ERMARD: variants seen among roughly 807,000 people sequenced by gnomAD.
ERMARD encodes ER membrane associated RNA degradation.
ERMARD carries 71 observed loss-of-function variants against 83.9 expected under a neutral mutation model. The observed-to-expected ratio is 0.85, with a 90% CI of 0.70 to 1.03. ERMARD has a LOEUF of 1.03. Among genes scored for constraint, ERMARD ranks in the 50% least tolerant of loss-of-function variants. The probability of loss-of-function intolerance (pLI) is 0.00; values close to 1 mark genes in which losing one functional copy is unlikely to be tolerated. For missense variants in ERMARD, 838 were observed against 810.9 expected (o/e 1.03, Z -0.41); for synonymous variants, 284 against 298.6 (o/e 0.95, Z 0.50).
chr6:169,775,334 G>A lies in ERMARD; in HGVS notation c.1382G>A (p.Arg461Gln), dbSNP rs758762077. 33 of 1,614,070 alleles carry A rather than the reference G, an allele frequency of 2.0e-5. No individual in the cohort carries two copies. Among genetic ancestry groups the A allele is most frequent in the Non-Finnish European group, 2.3e-5 (27 of 1,179,952 alleles). Reference sequence around the variant, plus strand: ...CTGCCTTTCCCCGAAGAACTCACTCGGCAAGCCGTCAGGTGCGTGGCATCC... The same window carrying A: ...CTGCCTTTCCCCGAAGAACTCACTCAGCAAGCCGTCAGGTGCGTGGCATCC... ...ALLPFPEELT[R>Q]QAVRLEDNSE... The change falls in exon 14 of 18, where the codon CGG (arginine) becomes CAG (glutamine). Residue 461 changes from arginine to glutamine, a missense_variant. Transcript: ENST00000366773.
At chr6:169,751,411 CG>C (rs763221142), upstream of ERMARD, 1 of 1,613,978 alleles carries the variant, frequency 6.2e-7, no homozygotes, top group Non-Finnish European at 8.5e-7. Context: ...GGGTCTGGTT[CG>C]GGGTCTGGAT....
chr6:169,776,375 C>T (rs750283679), intron 15 of ERMARD, 80 bp from the exon 16 acceptor site: 27 of 1,561,866 alleles, frequency 1.7e-5, no homozygotes, highest in African/African-American at 1.1e-4. Context: ...CCCAGAAAGC[C>T]GCAGCCTTGC....
Position 169,761,582 on chromosome 6 carries a change from G to C in ERMARD, c.857+826G>C, listed in dbSNP as rs369275255. On this transcript the variant is annotated intron_variant, in intron 8 of 17. Transcript: ENST00000366773. ...TCCTTTGATGACATTTTATTCTGTAGAAGCTACTAAAAATGGTTCATCAAA... is the reference window on the plus strand; with the variant it reads ...TCCTTTGATGACATTTTATTCTGTACAAGCTACTAAAAATGGTTCATCAAA... Among the ~76,000 whole-genome samples, 4 of 152,180 alleles carry C rather than the reference G, an allele frequency of 2.6e-5. No individual in the cohort carries two copies. The East Asian group carries it at 5.8e-4, about 22-fold the overall frequency.
At chr6:169,780,905 G>A (rs992666390) in intron 17 of ERMARD, among the ~76,000 whole-genome samples, 17 of 152,164 alleles carry the variant, frequency 1.1e-4, no homozygotes, top group African/African-American at 4.1e-4. Flanking sequence ...CACATGTTCA[G>A]GGGGCCAATT....
chr6:169,776,814 C>A, intron 16 of ERMARD, 141 bp downstream of exon 16: 1 of 1,008,366 alleles, frequency 9.9e-7, no homozygotes, highest in Non-Finnish European at 1.5e-6. Context: ...TTGGAGTCCA[C>A]AACTGAGTGT....
chr6:169,777,155 G>C (rs1793701561), intron 16 of ERMARD, among the ~76,000 whole-genome samples: 1 of 152,232 alleles, frequency 6.6e-6, no homozygotes, highest in South Asian at 2.1e-4. Context: ...TAGAGGAATA[G>C]TCACTTAGAC....
At chr6:169,760,616 G>A in intron 7 of ERMARD, 26 bp from the exon 8 acceptor site, 3 of 1,489,112 alleles carry the variant, frequency 2.0e-6, no homozygotes, top group Non-Finnish European at 2.8e-6. Context: ...GTATGATTGT[G>A]TTTAAAACCG....
chr6:169,762,399 G>A (rs775552345), intron 8 of ERMARD, 30 bp from the exon 9 acceptor site: 2 of 1,588,756 alleles, frequency 1.3e-6, no homozygotes, highest in Admixed American at 1.7e-5. Context: ...GAAATGTGGA[G>A]TTTTACCTCT....
chr6:169,756,605 G>A, intron 4 of ERMARD, 114 bp from the exon 5 acceptor site: 6 of 979,710 alleles, frequency 6.1e-6, no homozygotes, highest in East Asian at 2.5e-5. Flanking sequence ...TCAAAGGATT[G>A]GTGTCTAAGT....
chr6:169,757,407 C>T (rs930819012), intron 5 of ERMARD, among the ~76,000 whole-genome samples: 3 of 152,064 alleles, frequency 2.0e-5, no homozygotes, highest in Non-Finnish European at 4.4e-5. Flanking sequence ...CATGTTGCCT[C>T]GATCAATTAC....
At position 169,781,438 on chromosome 6, in the gene ERMARD, A is replaced by G. The variant is rs1420050437; in HGVS notation, c.1962A>G (p.Lys654=). The G allele has an allele frequency of 1.2e-5, 20 of 1,612,648 alleles. No individual in the cohort carries two copies. Among genetic ancestry groups the G allele is most frequent in the Non-Finnish European group, 1.6e-5 (19 of 1,179,560 alleles). The change falls in exon 18 of 18, where the codon AAA becomes AAG. Residue 654 remains lysine (K), a synonymous_variant. Coordinates refer to ENST00000366773, the MANE Select transcript of ERMARD (RefSeq NM_018341.3). ...TINLTHTALL[K]MWTFSEKKQM... is the part of the protein sequence containing the mutation. ...ATCTTACACATACAGCTTTGTTGAA[A>G]ATGTGGACTTTTAGTGAGAAGAAAC...
At position 169,776,459 on chromosome 6, in the gene ERMARD, C is replaced by T. The variant is rs147084771; in HGVS notation, c.1525C>T (p.Pro509Ser). Reference protein sequence around the residue: ...DLDRLPTETWPQLLRELCSTP... With the variant: ...DLDRLPTETWSQLLRELCSTP... ...CAAGTCTGGCTCTGTTTGCAGGTGG[C>T]CCCAGCTTCTCCGTGAGCTCTGCAG... The change falls in exon 16 of 18, where the codon CCC becomes TCC. Residue 509 changes from proline (P) to serine (S), a missense_variant. By Grantham distance (74) the Pro-to-Ser change is moderately conservative. Coordinates refer to ENST00000366773, the MANE Select transcript of ERMARD (RefSeq NM_018341.3). 2 of 1,613,028 alleles carry T rather than the reference C, an allele frequency of 1.2e-6. No individual in the cohort carries two copies. Among genetic ancestry groups the T allele is most frequent in the African/African-American group, 2.7e-5 (2 of 74,918 alleles).
chr6:169,762,961 G>T (rs1791740101), intron 9 of ERMARD, among the ~76,000 whole-genome samples: 1 of 152,176 alleles, frequency 6.6e-6, no homozygotes, highest in African/African-American at 2.4e-5. Context: ...GACTTGGTGT[G>T]GTGCCAGCCC....
intron 12 of ERMARD, chr6:169,771,077 C>CTTTTTTTTTTTTTTTTTTTTTTTTTTT (rs60995171): frequency 7.1e-6 from 1 of 141,262 alleles, no homozygotes; most frequent in Non-Finnish European, 1.5e-5. Context: ...TCTTTTCTTT[C>CTTTTTTTTTTTTTTTTTTTTTTTTTTT]TTTTTTTTTT....
Position 169,781,334 on chromosome 6 carries a change from G to A in ERMARD, c.1858G>A (p.Val620Ile). ...AHEYQQYLKF[V>I]KSILQYTENL... is the part of the protein sequence containing the mutation. ...AAATTAATTTTTTTTTTACAGGTTT[G>A]TAAAGTCGATCTTGCAGTACACGGA... is the stretch of plus-strand genomic sequence containing the variant. Residue 620 changes from valine to isoleucine, a missense_variant, in exon 18 of 18, where the codon GTA (valine) becomes ATA (isoleucine). Physicochemically the swap from Val to Ile is conservative, Grantham distance 29. Coordinates refer to ENST00000366773, the MANE Select transcript of ERMARD (RefSeq NM_018341.3). The A allele has an allele frequency of 6.3e-7, 1 of 1,595,532 alleles. No individual in the cohort carries two copies. The highest frequency in any genetic ancestry group is 8.5e-7 in the Non-Finnish European group (1 of 1,175,336).
At chr6:169,766,347 G>A (rs531979508) in intron 9 of ERMARD, among the ~76,000 whole-genome samples, 63 of 152,236 alleles carry the variant, frequency 4.1e-4, no homozygotes, top group Non-Finnish European at 8.5e-4. Flanking sequence ...TATGAGCAGC[G>A]ATTTGTGAGG....
At chr6:169,780,704 G>A (rs891050318) in intron 17 of ERMARD, among the ~76,000 whole-genome samples, 6 of 152,182 alleles carry the variant, frequency 3.9e-5, no homozygotes, top group African/African-American at 4.8e-5. Context: ...CATTGCAGCC[G>A]AACCTTGAAC....
intron 8 of ERMARD, among the ~76,000 whole-genome samples, chr6:169,761,154 G>T (rs534784952): frequency 2.0e-5 from 3 of 152,146 alleles, no homozygotes; most frequent in Non-Finnish European, 4.4e-5. Context: ...TTCCTTAAAG[G>T]ATATTACCCT....
At chr6:169,760,260 G>A (rs1791372273) in intron 7 of ERMARD, among the ~76,000 whole-genome samples, 1 of 152,200 alleles carries the variant, frequency 6.6e-6, no homozygotes, top group African/African-American at 2.4e-5. Flanking sequence ...TCAGGCTGTT[G>A]TATGATGTAC....
Sources: gnomAD v4.1 joint callset for allele counts (sites outside exome capture counted in the v4.1 genomes callset) on GRCh38, gnomAD v4.1.1 for gene constraint, MANE v1.5 for transcripts, NCBI Gene and HGNC (gene_info 2026-07-23, HGNC 2026-07-21) for gene names.